USF3: variants seen among roughly 807,000 people sequenced by gnomAD.
USF3 encodes basic helix-loop-helix domain-containing protein USF3.
A neutral mutation model predicts 157.5 loss-of-function variants in USF3; 29 were observed. The observed-to-expected ratio is 0.18, with a 90% CI of 0.14 to 0.25. The LOEUF (loss-of-function observed/expected upper bound fraction) is 0.25, where lower values mean the gene tolerates loss of function less well. USF3 is among the 10% of genes least tolerant of loss of function. The probability of loss-of-function intolerance (pLI) is 1.00; values close to 1 mark genes in which losing one functional copy is unlikely to be tolerated. For synonymous variants in USF3, 893 were observed against 941.4 expected (o/e 0.95, Z 0.94); for missense variants, 2,381 against 2,667.6 (o/e 0.89, Z 2.37).
At position 113,656,311 on chromosome 3, in the gene USF3, T is replaced by C. The variant is rs750494246; in HGVS notation, c.5371A>G (p.Arg1791Gly). 4 of 1,614,154 alleles carry C rather than the reference T, an allele frequency of 2.5e-6. No homozygotes were observed. Among genetic ancestry groups the C allele is most frequent in the Non-Finnish European group, 3.4e-6 (4 of 1,180,020 alleles). ...TGPPPIDRQKRLSYPPVQSIP... is the reference protein window; with the variant it reads ...TGPPPIDRQKGLSYPPVQSIP... ...CTCTGAACTGGTGGGTAAGATAATC[T>C]CTTTTGACGGTCAATTGGTGGGGGG... Residue 1791 changes from arginine to glycine, a missense_variant, in exon 7 of 7, where the codon AGA becomes GGA. Physicochemically the swap from Arg to Gly is moderately radical, Grantham distance 125. Transcript: ENST00000316407.
chr3:113,692,103 A>G (rs1577056761), intron 1 of USF3, among the ~76,000 whole-genome samples: 1 of 151,992 alleles, frequency 6.6e-6, no homozygotes, highest in South Asian at 2.1e-4. Flanking sequence ...TAGGGCTCGC[A>G]CTCCTATGAT....
chr3:113,670,296 C>T, intron 4 of USF3, 93 bp from the exon 5 acceptor site: 1 of 771,542 alleles, frequency 1.3e-6, no homozygotes, highest in East Asian at 2.5e-5. Context: ...GTAAAGAAAT[C>T]CCTAAGAAAT....
Position 113,660,369 on chromosome 3 carries a change from A to G in USF3, c.1313T>C (p.Leu438Pro), listed in dbSNP as rs1183652725. 3.1e-6 allele frequency: 5 copies of G among 1,614,228 alleles called. No homozygotes were observed. Among genetic ancestry groups the G allele is most frequent in the South Asian group, 1.1e-5 (1 of 91,088 alleles). ...TAAGGGCTGAATAGTGTTTCCTGCC[A>G]GTTGCAAAGTAGTCCACGTTGTCTG... ...NTQTTWTTLQ[L>P]AGNTIQPLSQ... The change falls in exon 7 of 7, where the codon CTG becomes CCG. Residue 438 changes from leucine (L) to proline (P), a missense_variant. This residue lies in a region of USF3 where 1,435 missense variants were observed against 1,550.9 expected (regional missense o/e 0.93). Coordinates refer to ENST00000316407, the MANE Select transcript of USF3 (RefSeq NM_001009899.4).
chr3:113,680,798 CAA>C (rs527515104), intron 1 of USF3, among the ~76,000 whole-genome samples: 38 of 113,448 alleles, frequency 3.3e-4, no homozygotes, highest in Admixed American at 6.2e-4. Flanking sequence ...ATACTGTCTC[CAA>C]AAAAAAAAAA....
Position 113,660,539 on chromosome 3 carries a change from C to T in USF3, c.1143G>A (p.Lys381=). The T allele has an allele frequency of 6.2e-7, 1 of 1,614,142 alleles. No individual in the cohort carries two copies. The highest frequency in any genetic ancestry group is 8.5e-7 in the Non-Finnish European group (1 of 1,180,010). ...VVASSAPGVG[K]ATIPISTLSG... The stretch of plus-strand genomic sequence containing the variant: ...AAAGAGTGCTTATAGGAATGGTGGC[C>T]TTCCCTACTCCAGGGGCAGATGATG... Residue 381 remains lysine, a synonymous_variant, in exon 7 of 7, where the codon AAG becomes AAA. Coordinates refer to ENST00000316407, the MANE Select transcript of USF3 (RefSeq NM_001009899.4).
chr3:113,679,075 G>A (rs1707350833), intron 1 of USF3, among the ~76,000 whole-genome samples: 1 of 150,990 alleles, frequency 6.6e-6, no homozygotes, highest in Non-Finnish European at 1.5e-5. Flanking sequence ...TCCCGCCGCA[G>A]TCTTCCAAAG....
At chr3:113,689,034 A>AAAAC (rs112775519) in intron 1 of USF3, among the ~76,000 whole-genome samples, 1,891 of 150,244 alleles carry the variant, frequency 0.013, 19 homozygotes, top group African/African-American at 0.022. Context: ...CCATCTCAAA[A>AAAAC]AAACAAACAA....
Position 113,653,733 on chromosome 3 carries a change from T to C in USF3, c.*1211A>G, listed in dbSNP as rs1947305568. ...AAGGACCAATTCATACTTTAAAATATGTGTACACACACACACACATACTTA... is the reference window on the plus strand; with the variant it reads ...AAGGACCAATTCATACTTTAAAATACGTGTACACACACACACACATACTTA... On this transcript the variant is annotated 3_prime_UTR_variant, in exon 7 of 7. Coordinates refer to ENST00000316407, the MANE Select transcript of USF3 (RefSeq NM_001009899.4). The C allele has an allele frequency of 6.6e-6, 1 of 152,000 alleles. No homozygotes were observed. The highest frequency in any genetic ancestry group is 6.6e-5 in the Admixed American group (1 of 15,260). The allele number at this position is 152,000 out of a possible 1,614,324, so 9.4% of individuals were successfully genotyped here.
chr3:113,664,552 T>C (rs1009679606), intron 5 of USF3, 143 bp from the exon 6 acceptor site: 1 of 528,622 alleles, frequency 1.9e-6, no homozygotes, highest in African/African-American at 2.0e-5. Flanking sequence ...CAAAAGCTTC[T>C]ACTGTATATT....
Position 113,658,429 on chromosome 3 carries a change from C to T in USF3, c.3253G>A (p.Asp1085Asn), listed in dbSNP as rs1947409336. Residue 1085 changes from aspartate (D) to asparagine (N), a missense_variant, in exon 7 of 7, where the codon GAC becomes AAC. Coordinates refer to ENST00000316407, the MANE Select transcript of USF3 (RefSeq NM_001009899.4). Reference sequence around the variant, plus strand: ...CCAGAGCTGGTTGACATGGGAGAGTCGGCCTGTCTACCGTTGATCAAAGAA... The same window carrying T: ...CCAGAGCTGGTTGACATGGGAGAGTTGGCCTGTCTACCGTTGATCAAAGAA... ...NGSLINGRQA[D>N]SPMSTSSGSS... is the part of the protein sequence containing the mutation. 8.7e-6 allele frequency: 14 copies of T among 1,614,030 alleles called. No homozygotes were observed. The highest frequency in any genetic ancestry group is 1.1e-5 in the Non-Finnish European group (13 of 1,180,022).
In USF3 at chr3:113,655,773, G is replaced by A. The variant is rs1451460946; in HGVS notation, c.5909C>T (p.Ala1970Val). The A allele has an allele frequency of 6.2e-7, 1 of 1,614,108 alleles. No individual in the cohort carries two copies. Among genetic ancestry groups the A allele is most frequent in the Admixed American group, 1.7e-5 (1 of 60,004 alleles). The change falls in exon 7 of 7, where the codon GCT becomes GTT. Residue 1970 changes from alanine to valine, a missense_variant. By Grantham distance (64) the Ala-to-Val change is moderately conservative. Coordinates refer to ENST00000316407, the MANE Select transcript of USF3 (RefSeq NM_001009899.4). The part of the protein sequence containing the change: ...NGDQGPAVRQ[A>V]NSSVPQRSRH... ...TGATCTCTGGGGAACTGAAGAATTA[G>A]CTTGACGTACAGCAGGGCCTTGATC...
Position 113,661,197 on chromosome 3 carries a change from C to G in USF3, c.485G>C (p.Gly162Ala). Residue 162 changes from glycine (G) to alanine (A), a missense_variant, in exon 7 of 7, where the codon GGA becomes GCA. Gly to Ala is a moderately conservative substitution (Grantham distance 60). Around this residue, in one of 6 missense-constraint regions of USF3, gnomAD observed 1,435 missense variants for 1,550.9 expected, o/e 0.93. Coordinates refer to ENST00000316407, the MANE Select transcript of USF3 (RefSeq NM_001009899.4). ...NGNQPGGNSQ[G>A]TAVQGITFNV... ...AAAAGTTATCCCCTGAACAGCTGTT[C>G]CCTGGCTGTTTCCACCAGGCTGATT... is the stretch of plus-strand genomic sequence containing the variant. 6.2e-7 allele frequency: 1 copy of G among 1,614,104 alleles called. No individual in the cohort carries two copies. Among genetic ancestry groups the G allele is most frequent in the Non-Finnish European group, 8.5e-7 (1 of 1,180,006 alleles).
chr3:113,664,143 G>A (rs1238209524), intron 6 of USF3, among the ~76,000 whole-genome samples, 170 bp downstream of exon 6: 1 of 152,162 alleles, frequency 6.6e-6, no homozygotes, highest in East Asian at 1.9e-4. Flanking sequence ...GAAAGAGTTA[G>A]ACTAAAATGA....
At chr3:113,672,367 C>G (rs938158332) in intron 4 of USF3, among the ~76,000 whole-genome samples, 1 of 151,946 alleles carries the variant, frequency 6.6e-6, no homozygotes, top group African/African-American at 2.4e-5. Flanking sequence ...CTCAGGTGCT[C>G]CACCTGCCTC....
At chr3:113,674,233 T>A (rs1443599424) in intron 3 of USF3, among the ~76,000 whole-genome samples, 1 of 152,234 alleles carries the variant, frequency 6.6e-6, no homozygotes, top group African/African-American at 2.4e-5. Context: ...ATTAATACTA[T>A]AGGCAAGTGA....
intron 1 of USF3, among the ~76,000 whole-genome samples, chr3:113,689,012 C>T (rs1281451687): frequency 1.3e-5 from 2 of 149,122 alleles, no homozygotes; most frequent in East Asian, 4.0e-4. Context: ...GCCTGGGCAA[C>T]AGAGGGAGAC....
chr3:113,675,074 T>C (rs1306550175), intron 2 of USF3, among the ~76,000 whole-genome samples, 178 bp from the exon 3 acceptor site: 2 of 152,190 alleles, frequency 1.3e-5, no homozygotes, highest in African/African-American at 4.8e-5. Context: ...AAAAGTACTA[T>C]AATTAGCAAA....
rs762146388 is a variant in USF3 at position 113,661,339 on chromosome 3, T to G, written c.343A>C (p.Ile115Leu). Residue 115 changes from isoleucine to leucine, a missense_variant, in exon 7 of 7, where the codon ATA becomes CTA. Ile to Leu is a conservative substitution (Grantham distance 5). Coordinates refer to ENST00000316407, the MANE Select transcript of USF3 (RefSeq NM_001009899.4). ...RYIELLKANDICLYDDPTIHW... is the reference protein window; with the variant it reads ...RYIELLKANDLCLYDDPTIHW... ...ATTGTCGGGTCATCATATAAGCATA[T>G]GTCATTAGCTTTCAGTAATTCAATA... 16 of 1,611,524 alleles carry G rather than the reference T, an allele frequency of 9.9e-6. No individual in the cohort carries two copies. Among genetic ancestry groups the G allele is most frequent in the Non-Finnish European group, 1.4e-5 (16 of 1,178,848 alleles).
Position 113,653,032 on chromosome 3 carries a change from C to A in USF3, c.*1912G>T. On this transcript the variant is annotated 3_prime_UTR_variant, in exon 7 of 7. Coordinates refer to ENST00000316407, the MANE Select transcript of USF3 (RefSeq NM_001009899.4). Reference sequence around the variant, plus strand: ...GGTGTTAGTTGCACCTAACGACACTCCAGCCTGGGTGACAGAGTCTCAAAA... The same window carrying A: ...GGTGTTAGTTGCACCTAACGACACTACAGCCTGGGTGACAGAGTCTCAAAA... 1.8e-6 allele frequency: 1 copy of A among 560,538 alleles called. No individual in the cohort carries two copies. The highest frequency in any genetic ancestry group is 3.1e-5 in the South Asian group (1 of 31,916). 34.7% of individuals were successfully genotyped at this position (560,538 alleles called of 1,614,324 possible).
Sources: allele counts gnomAD v4.1 joint callset (sites outside exome capture counted in the v4.1 genomes callset), GRCh38; gene constraint gnomAD v4.1.1; regional missense constraint gnomAD v4.1.1; transcripts MANE v1.5; gene names NCBI Gene and HGNC (gene_info 2026-07-23, HGNC 2026-07-21).